The following FRMPD2 variants were observed in gnomAD, a reference collection of about 807,000 sequenced individuals.
FRMPD2 encodes the protein FERM and PDZ domain containing 2.
In FRMPD2, 96 loss-of-function variants were observed where a neutral mutation model predicts 140.1. That is an observed-to-expected ratio of 0.69 (90% CI 0.58 to 0.81). FRMPD2 has a LOEUF of 0.81. Among genes scored for constraint, FRMPD2 ranks in the 40% least tolerant of loss-of-function variants. The pLI, the probability that FRMPD2 is intolerant of heterozygous loss-of-function variation, is 0.00. For synonymous variants in FRMPD2, 449 were observed against 547.6 expected (o/e 0.82, Z 2.52); for missense variants, 1,240 against 1,447.4 (o/e 0.86, Z 2.32).
intron 15 of FRMPD2, among the ~76,000 whole-genome samples, chr10:48,200,824 T>A (rs1160289385): frequency 6.6e-6 from 1 of 152,258 alleles, no homozygotes; most frequent in Non-Finnish European, 1.5e-5. Flanking sequence ...TATGTTTGGA[T>A]ACTTAGATTG....
chr10:48,257,803 T>G (rs571843774), intron 1 of FRMPD2, among the ~76,000 whole-genome samples: 1 of 152,194 alleles, frequency 6.6e-6, no homozygotes, highest in Non-Finnish European at 1.5e-5. Context: ...ACTGCCCAAG[T>G]GCTCAGCACA....
intron 9 of FRMPD2, among the ~76,000 whole-genome samples, chr10:48,233,308 C>A (rs988827615): frequency 2.0e-5 from 3 of 152,214 alleles, no homozygotes; most frequent in African/African-American, 7.2e-5. Context: ...ATCACACAGG[C>A]ATACTCCATG....
chr10:48,180,109 C>T (rs549936311), intron 21 of FRMPD2, among the ~76,000 whole-genome samples: 11 of 152,032 alleles, frequency 7.2e-5, no homozygotes, highest in Admixed American at 3.3e-4. Context: ...AACTGAGACT[C>T]CAGCACTGCC....
chr10:48,270,545 A>T (rs886705322), intron 1 of FRMPD2, among the ~76,000 whole-genome samples: 2 of 152,124 alleles, frequency 1.3e-5, no homozygotes, highest in East Asian at 3.9e-4. Flanking sequence ...CTCCCTCTTC[A>T]AATCACTCTA....
chr10:48,187,265 C>T lies in FRMPD2; in HGVS notation c.2193G>A (p.Lys731=). 1.2e-6 allele frequency: 2 copies of T among 1,614,060 alleles called. No individual in the cohort carries two copies. Among genetic ancestry groups the T allele is most frequent in the Non-Finnish European group, 1.7e-6 (2 of 1,179,994 alleles). Residue 731 remains lysine (K), a synonymous_variant, in exon 17 of 29, where the codon AAG becomes AAA. Transcript: ENST00000374201. ...RSPCTGREQL[K]SACVIQKPMT... is the part of the protein sequence containing the mutation. ...TTGGCTTCTGGATCACACAGGCACT[C>T]TTCAGCTGCTCCCGGCCAGTGCAGG...
chr10:48,230,289 T>C (rs1194330078), intron 10 of FRMPD2, among the ~76,000 whole-genome samples: 2 of 152,220 alleles, frequency 1.3e-5, no homozygotes, highest in African/African-American at 4.8e-5. Context: ...TAGTTATTTA[T>C]ATAAGTTCAA....
At position 48,249,034 on chromosome 10, in the gene FRMPD2, G is replaced by A. The variant is rs1443943572; in HGVS notation, c.296C>T (p.Pro99Leu). 1 of 1,610,980 alleles carries A rather than the reference G, an allele frequency of 6.2e-7. No individual in the cohort carries two copies. Among genetic ancestry groups the A allele is most frequent in the African/African-American group, 1.3e-5 (1 of 74,848 alleles). ...TGCACAGCTTACCTGAGATGCATCA[G>A]GCTGCTCATCCTCACTCTGTCCCTG... The part of the protein sequence containing the change: ...LLQGQSEDEQ[P>L]DASQMHVYSL... The change falls in exon 3 of 29, where the codon CCT (proline) becomes CTT (leucine). Residue 99 changes from proline to leucine, a missense_variant. Physicochemically the swap from Pro to Leu is moderately conservative, Grantham distance 98 (BLOSUM62 -3). Around this residue, in one of 6 missense-constraint regions of FRMPD2, gnomAD observed 1,161 missense variants for 1,055.9 expected, o/e 1.10. Coordinates refer to ENST00000374201, the MANE Select transcript of FRMPD2 (RefSeq NM_001018071.4).
At chr10:48,208,694 G>A (rs915338582) in intron 13 of FRMPD2, among the ~76,000 whole-genome samples, 11 of 152,182 alleles carry the variant, frequency 7.2e-5, no homozygotes, top group Admixed American at 2.0e-4. Context: ...TCCATTTGCT[G>A]TCTGCTAGGG....
In FRMPD2 at chr10:48,223,170, TG is replaced by T; in HGVS notation, c.1268del (p.Thr423AsnfsTer4). 6.2e-7 allele frequency: 1 copy of T among 1,613,918 alleles called. No individual in the cohort carries two copies. The highest frequency in any genetic ancestry group is 8.5e-7 in the Non-Finnish European group (1 of 1,179,924). ...CAAAGAACTTTATCCTCAGGAAGAG[TG>T]TGAAGGTATTCATGGAGGTCTTCTG... ...QPQKTSMNTF[T>X]LFLRIKFFVS... On this transcript the variant is annotated frameshift_variant, in exon 11 of 29. Transcript: ENST00000374201. LOFTEE classifies it high-confidence loss of function.
Position 48,240,396 on chromosome 10 carries a change from C to A in FRMPD2, c.664G>T (p.Ala222Ser). The change falls in exon 6 of 29, where the codon GCG becomes TCG. Residue 222 changes from alanine (A) to serine (S), a missense_variant. This residue lies in a region of FRMPD2 where 1,161 missense variants were observed against 1,055.9 expected (regional missense o/e 1.10). Coordinates refer to ENST00000374201, the MANE Select transcript of FRMPD2 (RefSeq NM_001018071.4). ...RLRGTSSESPAAQAPECLHPC... is the reference protein window; with the variant it reads ...RLRGTSSESPSAQAPECLHPC... ...TGCAGACACTCCGGGGCCTGTGCCG[C>A]TGGGCTCTCGCTGCTTGTCCCACGC... 6.2e-7 allele frequency: 1 copy of A among 1,613,274 alleles called. No individual in the cohort carries two copies. The highest frequency in any genetic ancestry group is 2.2e-5 in the East Asian group (1 of 44,886).
chr10:48,199,002 T>C (rs185460064), intron 15 of FRMPD2, among the ~76,000 whole-genome samples: 66 of 152,312 alleles, frequency 4.3e-4, no homozygotes, highest in Middle Eastern at 3.4e-3. Flanking sequence ...GAAAATCAAA[T>C]ACTGCATGTT....
At chr10:48,212,246 G>A (rs923008993) in intron 12 of FRMPD2, 137 bp from the exon 13 acceptor site, 32 of 782,242 alleles carry the variant, frequency 4.1e-5, no homozygotes, top group Non-Finnish European at 5.1e-5. Flanking sequence ...GCCCACCTGG[G>A]ATATTATTTT....
chr10:48,209,485 G>A (rs1839271321), intron 13 of FRMPD2, among the ~76,000 whole-genome samples: 1 of 152,194 alleles, frequency 6.6e-6, no homozygotes, highest in Admixed American at 6.5e-5. Context: ...CAGTGAACTG[G>A]GGACCAAGAG....
intron 15 of FRMPD2, among the ~76,000 whole-genome samples, chr10:48,199,027 G>A (rs1839016845): frequency 6.6e-6 from 1 of 152,140 alleles, no homozygotes; most frequent in South Asian, 2.1e-4. Context: ...CTTATAAGCA[G>A]GAGCTAAACA....
chr10:48,212,047 C>A lies in FRMPD2; in HGVS notation c.1518G>T (p.Arg506Ser). The part of the protein sequence containing the change: ...EDYIPASLIE[R>S]MTALRVQVEV... ...CAACCTGGACCCGTAGAGCGGTCAT[C>A]CTCTCGATCAGACTCGCTGGGATGT... The change falls in exon 13 of 29, where the codon AGG (arginine) becomes AGT (serine). Residue 506 changes from arginine to serine, a missense_variant. Transcript: ENST00000374201. The A allele has an allele frequency of 6.2e-7, 1 of 1,614,128 alleles. No individual in the cohort carries two copies. Among genetic ancestry groups the A allele is most frequent in the Non-Finnish European group, 8.5e-7 (1 of 1,179,986 alleles).
intron 16 of FRMPD2, among the ~76,000 whole-genome samples, chr10:48,188,789 G>T (rs1252872066): frequency 1.1e-4 from 17 of 152,210 alleles, no homozygotes; most frequent in Admixed American, 1.1e-3. Flanking sequence ...TGTGATCTGG[G>T]CCACACATGC....
At chr10:48,257,046 GCTCTGACGGAGAATCCTTCCCAGGC>G (rs1840502804) in intron 1 of FRMPD2, among the ~76,000 whole-genome samples, 1 of 152,098 alleles carries the variant, frequency 6.6e-6, no homozygotes, top group African/African-American at 2.4e-5. Context: ...CCCTCCACAG[GCTCTGACGGAGAATCCTTCCCAGGC>G]CTCCTCCAGC....
At chr10:48,183,846 C>A in intron 20 of FRMPD2, among the ~76,000 whole-genome samples, 1 of 26,590 alleles carries the variant, frequency 3.8e-5, no homozygotes, top group Non-Finnish European at 8.8e-5. Flanking sequence ...AGTGAGACTC[C>A]ATCTCAAAAA....
chr10:48,266,983 C>T (rs895228501), intron 1 of FRMPD2, among the ~76,000 whole-genome samples: 13 of 152,126 alleles, frequency 8.5e-5, no homozygotes, highest in Non-Finnish European at 2.9e-5. Flanking sequence ...CAACAAGATG[C>T]CCTCAAGGTT....
Sources: allele counts gnomAD v4.1 joint callset (sites outside exome capture counted in the v4.1 genomes callset), GRCh38; gene constraint gnomAD v4.1.1; regional missense constraint gnomAD v4.1.1; transcripts MANE v1.5; gene names NCBI Gene and HGNC (gene_info 2026-07-23, HGNC 2026-07-21).